IARS1: variants seen among roughly 807,000 people sequenced by gnomAD.
IARS1 encodes the protein isoleucyl-tRNA synthetase 1.
A neutral mutation model predicts 168.2 loss-of-function variants in IARS1; 124 were observed. The ratio of observed to expected loss-of-function variants is 0.74; its 90% CI spans 0.64 to 0.86. The LOEUF is 0.86. Among genes scored for constraint, IARS1 ranks in the 40% least tolerant of loss-of-function variants. The pLI, the probability that IARS1 is intolerant of heterozygous loss-of-function variation, is 0.00. For synonymous variants in IARS1, 532 were observed against 529.4 expected (o/e 1.00, Z -0.07); for missense variants, 1,452 against 1,515.8 (o/e 0.96, Z 0.70).
intron 33 of IARS1, among the ~76,000 whole-genome samples, chr9:92,215,483 G>C (rs865903763): frequency 2.6e-5 from 4 of 152,100 alleles, no homozygotes; most frequent in African/African-American, 9.7e-5. Flanking sequence ...TGAGCTATGG[G>C]AGGACATACA....
intron 15 of IARS1, 151 bp downstream of exon 15, chr9:92,265,329 C>T: frequency 1.2e-6 from 1 of 809,546 alleles, no homozygotes; most frequent in Non-Finnish European, 2.0e-6. Flanking sequence ...TTCACAAGGA[C>T]AGAGGCCACA....
chr9:92,231,261 T>A (rs1440094879), intron 30 of IARS1, among the ~76,000 whole-genome samples: 2 of 152,236 alleles, frequency 1.3e-5, no homozygotes, highest in Non-Finnish European at 2.9e-5. Flanking sequence ...AATATACTTT[T>A]GATCCAGCTA....
intron 19 of IARS1, 72 bp from the exon 20 acceptor site, chr9:92,256,872 A>C (rs1309813352): frequency 7.0e-7 from 1 of 1,419,314 alleles, no homozygotes; most frequent in Non-Finnish European, 9.6e-7. Context: ...AAACTTCTTA[A>C]ATCACTTAAA....
At chr9:92,226,722 T>TGCA (rs1264220432) in intron 31 of IARS1, among the ~76,000 whole-genome samples, 1 of 152,146 alleles carries the variant, frequency 6.6e-6, no homozygotes, top group East Asian at 1.9e-4. Flanking sequence ...TTTCTTGGCT[T>TGCA]GCAGCTGTGT....
chr9:92,288,243 C>A lies in IARS1; in HGVS notation c.159G>T (p.Leu53=), dbSNP rs946083675. The part of the protein sequence containing the change: ...FYDGPPFATG[L]PHYGHILAGT... ...CCGCAAGTATATGTCCATAGTGAGG[C>A]AGTCCAGTTGCAAAAGGAGGACCAT... The change falls in exon 3 of 34, where the codon CTG becomes CTT. Residue 53 remains leucine, a synonymous_variant. Transcript: ENST00000443024. The A allele has an allele frequency of 1.2e-6, 2 of 1,613,834 alleles. No homozygotes were observed. The highest frequency in any genetic ancestry group is 8.5e-7 in the Non-Finnish European group (1 of 1,179,878).
chr9:92,252,321 A>T, intron 21 of IARS1: 1 of 483,576 alleles, frequency 2.1e-6, no homozygotes, highest in Admixed American at 2.2e-5. Flanking sequence ...TTTTTTCATT[A>T]TCTTTGTTTT....
rs1024872592 is a variant in IARS1 at position 92,260,237 on chromosome 9, T to C, written c.1788-3A>G. 2.5e-6 allele frequency: 4 copies of C among 1,604,938 alleles called. No homozygotes were observed. The highest frequency in any genetic ancestry group is 3.4e-6 in the Non-Finnish European group (4 of 1,171,554). Reference sequence around the variant, plus strand: ...GTTTGCTCATTTTTTGGCCATCACTTGTAAAACAAAAGGGAGATGCCAATT... The same window carrying C: ...GTTTGCTCATTTTTTGGCCATCACTCGTAAAACAAAAGGGAGATGCCAATT... On this transcript the variant is annotated splice_region_variant and splice_polypyrimidine_tract_variant and intron_variant, in intron 17 of 33. Coordinates refer to ENST00000443024, the MANE Select transcript of IARS1 (RefSeq NM_002161.6).
rs1837582739 is a variant in IARS1, at chr9:92,210,544, G to GAA, written c.*261_*262dup. ...TTCTGTACTTAAGAACTCAAGTATA[G>GAA]AAATAAACTGTGGGCTGAAGTAACA... On this transcript the variant is annotated 3_prime_UTR_variant, in exon 34 of 34. Transcript: ENST00000443024. The GAA allele has an allele frequency of 6.0e-6, 2 of 334,182 alleles. No homozygotes were observed. The highest frequency in any genetic ancestry group is 2.1e-5 in the African/African-American group (1 of 47,756). 20.7% of individuals were successfully genotyped at this position (334,182 alleles called of 1,614,324 possible).
intron 17 of IARS1, among the ~76,000 whole-genome samples, chr9:92,261,468 G>A (rs1317268568): frequency 6.6e-6 from 1 of 152,164 alleles, no homozygotes; most frequent in Admixed American, 6.5e-5. Flanking sequence ...AGGCAATGCA[G>A]GAAGGGAGCC....
intron 5 of IARS1, 66 bp from the exon 6 acceptor site, chr9:92,285,905 G>T: frequency 1.1e-6 from 1 of 922,598 alleles, no homozygotes; most frequent in South Asian, 1.4e-5. Flanking sequence ...AAACATTTAT[G>T]CCATTTTCTT....
chr9:92,244,912 T>C lies in IARS1; in HGVS notation c.2904+47A>G, dbSNP rs374038671. 5.0e-5 allele frequency: 72 copies of C among 1,444,938 alleles called. No individual in the cohort carries two copies. The highest frequency in any genetic ancestry group is 8.0e-5 in the South Asian group (7 of 87,598). 89.5% of individuals were successfully genotyped at this position (1,444,938 alleles called of 1,614,324 possible). On this transcript the variant is annotated intron_variant, in intron 27 of 33. Transcript: ENST00000443024. ...CACAGGCAAATACTTTCTCCTCTTA[T>C]GCTCTCATCTCTTGGTAAAGAAATG...
Position 92,253,346 on chromosome 9 carries a change from A to G in IARS1, c.2229+16T>C. 3 of 1,552,636 alleles carry G rather than the reference A, an allele frequency of 1.9e-6. No individual in the cohort carries two copies. The highest frequency in any genetic ancestry group is 2.7e-6 in the Non-Finnish European group (3 of 1,124,444). ...TCATACACTTTTTGCTTTTCCCAAC[A>G]GCAGTCTGCACTTACCTTTAATCTT... is the stretch of plus-strand genomic sequence containing the variant. On this transcript the variant is annotated intron_variant, in intron 21 of 33. Transcript: ENST00000443024.
chr9:92,244,593 A>G (rs947808160), intron 27 of IARS1, among the ~76,000 whole-genome samples: 16 of 152,076 alleles, frequency 1.1e-4, no homozygotes, highest in African/African-American at 3.6e-4. Flanking sequence ...CTATTTTTGG[A>G]TAGGAGCCCT....
At chr9:92,280,918 T>A in intron 6 of IARS1, 25 bp from the exon 7 acceptor site, 1 of 1,571,012 alleles carries the variant, frequency 6.4e-7, no homozygotes, top group African/African-American at 1.4e-5. Context: ...GGTAAAGTAT[T>A]GTTTTAGAAA....
chr9:92,261,757 C>CT (rs908361961), intron 17 of IARS1, among the ~76,000 whole-genome samples: 109 of 145,652 alleles, frequency 7.5e-4, no homozygotes, highest in African/African-American at 8.0e-4. Context: ...CAATTTCCCC[C>CT]TTTTTTTTTT....
intron 31 of IARS1, among the ~76,000 whole-genome samples, chr9:92,228,429 C>T (rs1008191689): frequency 1.3e-5 from 2 of 151,792 alleles, no homozygotes; most frequent in South Asian, 2.1e-4. Context: ...TTAAAACTCA[C>T]GGTTGGGTGT....
rs370766033 is a variant in IARS1 at position 92,256,630 on chromosome 9, A to C, written c.2137+50T>G. On this transcript the variant is annotated intron_variant, in intron 20 of 33. Coordinates refer to ENST00000443024, the MANE Select transcript of IARS1 (RefSeq NM_002161.6). ...ACTATTAAATATCAAAAGGGCAGTT[A>C]CAAAGAGAATAGTCCTTATTCCTGG... 8.9e-5 allele frequency: 138 copies of C among 1,542,972 alleles called. 1 individual carries two copies. The East Asian group carries it at 2.1e-3, about 24-fold the overall frequency.
intron 20 of IARS1, chr9:92,253,687 C>T (rs116058077): frequency 1.5e-4 from 82 of 538,046 alleles, no homozygotes; most frequent in African/African-American, 1.3e-3. Context: ...GAGCCACATG[C>T]GAATTCCCAT....
At chr9:92,259,837 A>C (rs1234391274) in intron 18 of IARS1, among the ~76,000 whole-genome samples, 1 of 152,200 alleles carries the variant, frequency 6.6e-6, no homozygotes, top group East Asian at 1.9e-4. Context: ...TAATACCAAC[A>C]AGACAGGGAA....
Sources: gnomAD v4.1 joint callset for allele counts (sites outside exome capture counted in the v4.1 genomes callset) on GRCh38, gnomAD v4.1.1 for gene constraint, MANE v1.5 for transcripts, NCBI Gene and HGNC (gene_info 2026-07-23, HGNC 2026-07-21) for gene names.